CDH4: variants seen among roughly 807,000 people sequenced by gnomAD.
The protein encoded by CDH4 is cadherin-4.
CDH4 carries 33 observed loss-of-function variants against 86.0 expected under a neutral mutation model. That is an observed-to-expected ratio of 0.38 (90% CI 0.29 to 0.51). The LOEUF is 0.51. Ranked by LOEUF, CDH4 falls within the 20% of genes least tolerant of loss-of-function variation. The pLI, the probability that CDH4 is intolerant of heterozygous loss-of-function variation, is 0.86. For synonymous variants in CDH4, 555 were observed against 549.4 expected, an observed-to-expected ratio of 1.01 and a Z score of -0.14; for missense variants, 1,114 against 1,307.4, an observed-to-expected ratio of 0.85 and a Z score of 2.28.
At chr20:61,446,778 C>T (rs1464186635) in intron 2 of CDH4, among the ~76,000 whole-genome samples, 2 of 152,142 alleles carry the variant, frequency 1.3e-5, no homozygotes, top group Non-Finnish European at 2.9e-5. Context: ...ACCTGTCTCA[C>T]CTTAACCCAG....
chr20:61,491,003 A>T (rs1465416809), intron 2 of CDH4, among the ~76,000 whole-genome samples: 1 of 152,220 alleles, frequency 6.6e-6, no homozygotes, highest in East Asian at 1.9e-4. Flanking sequence ...CCCACACTGG[A>T]TACCAAATGT....
chr20:61,652,138 T>C (rs1185098912), intron 2 of CDH4, among the ~76,000 whole-genome samples: 2 of 152,234 alleles, frequency 1.3e-5, no homozygotes, highest in Non-Finnish European at 2.9e-5. Flanking sequence ...GCTTTTAATG[T>C]CACCGTCTCT....
chr20:61,454,927 T>C (rs547549446), intron 2 of CDH4, among the ~76,000 whole-genome samples: 1 of 152,336 alleles, frequency 6.6e-6, no homozygotes, highest in African/African-American at 2.4e-5. Flanking sequence ...TTGCAAGCAA[T>C]TGAGAACCAT....
intron 2 of CDH4, among the ~76,000 whole-genome samples, chr20:61,664,679 A>T (rs2087303454): frequency 6.6e-6 from 1 of 152,242 alleles, no homozygotes; most frequent in Non-Finnish European, 1.5e-5. Context: ...AGCCCAGAGA[A>T]GTTCTCTCAG....
intron 2 of CDH4, among the ~76,000 whole-genome samples, chr20:61,650,065 A>AT (rs748621182): frequency 2.6e-5 from 4 of 152,208 alleles, no homozygotes; most frequent in Non-Finnish European, 5.9e-5. Flanking sequence ...GTCAGCGGCT[A>AT]TCCCAGTCTT....
At chr20:61,508,430 T>G (rs1183500927) in intron 2 of CDH4, among the ~76,000 whole-genome samples, 4 of 152,178 alleles carry the variant, frequency 2.6e-5, no homozygotes, top group African/African-American at 4.8e-5. Context: ...TGAAGACTGT[T>G]GCGGTCGGCC....
intron 2 of CDH4, among the ~76,000 whole-genome samples, chr20:61,585,997 A>AT (rs72148665): frequency 7.3e-6 from 1 of 136,814 alleles, no homozygotes; most frequent in Non-Finnish European, 1.5e-5. Context: ...GGTGATGATG[A>AT]TGATGGTGAT....
At chr20:61,824,833 C>G (rs966090942) in intron 4 of CDH4, among the ~76,000 whole-genome samples, 1 of 152,186 alleles carries the variant, frequency 6.6e-6, no homozygotes, top group Admixed American at 6.5e-5. Flanking sequence ...CTTGTAAGAA[C>G]AGGCTTAACC....
At chr20:61,900,686 C>CT (rs1985355469) in intron 8 of CDH4, among the ~76,000 whole-genome samples, 1 of 152,230 alleles carries the variant, frequency 6.6e-6, no homozygotes. Flanking sequence ...CCGCCAGTCT[C>CT]TCAGGCCTCC....
intron 2 of CDH4, among the ~76,000 whole-genome samples, chr20:61,600,882 G>A (rs776590964): frequency 2.0e-5 from 3 of 152,070 alleles, no homozygotes; most frequent in African/African-American, 4.8e-5. Context: ...TGCAGAACCC[G>A]CGGGTGTGGA....
At chr20:61,925,119 C>T (rs531069458) in intron 11 of CDH4, among the ~76,000 whole-genome samples, 16 of 152,278 alleles carry the variant, frequency 1.1e-4, no homozygotes, top group East Asian at 3.9e-4. Flanking sequence ...GCACAGCAGA[C>T]GACCTCAGGA....
Position 61,743,595 on chromosome 20 carries a change from A to T in CDH4, c.202A>T (p.Thr68Ser). ...KFSSCVGTKG[T>S]QYETNSMDFK... ...CAGCAGCTGTGTGGGGACCAAGGGG[A>T]CACAATATGAGACCAACAGCATGGA... Residue 68 changes from threonine to serine, a missense_variant, in exon 3 of 16, where the codon ACA (threonine) becomes TCA (serine). This residue lies in a region of CDH4 where 221 missense variants were observed against 209.5 expected (regional missense o/e 1.05). Coordinates refer to ENST00000614565, the MANE Select transcript of CDH4 (RefSeq NM_001794.5). 3 of 1,575,846 alleles carry T rather than the reference A, an allele frequency of 1.9e-6. No individual in the cohort carries two copies. Among genetic ancestry groups the T allele is most frequent in the Non-Finnish European group, 2.6e-6 (3 of 1,159,500 alleles).
chr20:61,597,594 C>A (rs146261725), intron 2 of CDH4, among the ~76,000 whole-genome samples: 1 of 152,102 alleles, frequency 6.6e-6, no homozygotes, highest in Non-Finnish European at 1.5e-5. Flanking sequence ...ATGGACCGGG[C>A]GAAGCAGGCA....
chr20:61,497,855 T>C (rs2085673292), intron 2 of CDH4, among the ~76,000 whole-genome samples: 1 of 152,108 alleles, frequency 6.6e-6, no homozygotes. Flanking sequence ...GGCACATATA[T>C]ACCATGGAAT....
intron 8 of CDH4, among the ~76,000 whole-genome samples, 189 bp downstream of exon 8, chr20:61,895,236 A>G (rs1166632676): frequency 1.3e-5 from 2 of 152,202 alleles, no homozygotes; most frequent in Non-Finnish European, 1.5e-5. Context: ...GCAGTAGGAG[A>G]GAGGCCGGGG....
intron 2 of CDH4, among the ~76,000 whole-genome samples, chr20:61,297,499 T>A (rs2084362543): frequency 6.6e-6 from 1 of 152,238 alleles, no homozygotes; most frequent in South Asian, 2.1e-4. Flanking sequence ...ACCATGAACA[T>A]ATCTCAGAGG....
chr20:61,703,409 G>C lies in CDH4; in HGVS notation c.170-40154G>C, dbSNP rs1272177237. Reference sequence around the variant, plus strand: ...AGCGTGAATGGAGACACTGGCAGCAGGGGCATTTCATAAGGAGGGGACAGT... The same window carrying C: ...AGCGTGAATGGAGACACTGGCAGCACGGGCATTTCATAAGGAGGGGACAGT... On this transcript the variant is annotated intron_variant, in intron 2 of 15. Coordinates refer to ENST00000614565, the MANE Select transcript of CDH4 (RefSeq NM_001794.5). This position sits in a 1 kb window ranked among gnomAD's most constrained non-coding sequence, Gnocchi z 4.3. Among the ~76,000 whole-genome samples, 1 of 152,218 alleles carries C rather than the reference G, an allele frequency of 6.6e-6. No homozygotes were observed. Among genetic ancestry groups the C allele is most frequent in the Non-Finnish European group, 1.5e-5 (1 of 68,032 alleles).
At chr20:61,521,836 C>T (rs993835447) in intron 2 of CDH4, among the ~76,000 whole-genome samples, 2 of 152,218 alleles carry the variant, frequency 1.3e-5, no homozygotes, top group Non-Finnish European at 2.9e-5. Context: ...GTGTTGCCAA[C>T]AGGCAGTGCA....
chr20:61,416,821 T>C, intron 2 of CDH4, among the ~76,000 whole-genome samples: 1 of 152,214 alleles, frequency 6.6e-6, no homozygotes, highest in East Asian at 1.9e-4. Context: ...CCAAGTGTGA[T>C]TTTAGGGCCT....
Sources: allele counts gnomAD v4.1 joint callset (sites outside exome capture counted in the v4.1 genomes callset), GRCh38; gene constraint gnomAD v4.1.1; regional missense constraint gnomAD v4.1.1; non-coding constraint Gnocchi (gnomAD v3.1); transcripts MANE v1.5; gene names NCBI Gene and HGNC (gene_info 2026-07-23, HGNC 2026-07-21).